AK8: variants seen among roughly 807,000 people sequenced by gnomAD.
AK8 encodes ATP-AMP transphosphorylase 8.
In AK8, 44 loss-of-function variants were observed where a neutral mutation model predicts 54.6. That is an observed-to-expected ratio of 0.81 (90% CI 0.63 to 1.04). The LOEUF is 1.04. Among genes scored for constraint, AK8 ranks in the 50% least tolerant of loss-of-function variants. AK8 has a pLI of 0.00. For missense variants in AK8, 555 were observed against 613.6 expected, an observed-to-expected ratio of 0.90 and a Z score of 1.01; for synonymous variants, 239 against 245.6, an observed-to-expected ratio of 0.97 and a Z score of 0.25.
Position 132,853,783 on chromosome 9 carries a change from C to CAAA in AK8, c.402+1071_402+1073dup, listed in dbSNP as rs71376669. Among the ~76,000 whole-genome samples, 167 of 42,536 alleles carry CAAA rather than the reference C, an allele frequency of 3.9e-3. 15 individuals carry two copies. The highest frequency in any genetic ancestry group is 0.013 in the South Asian group (10 of 784). The allele number at this position is 42,536 out of a possible 152,430, so 27.9% of individuals were successfully genotyped here. ...TGGGCAACAGAGCAAGACTCTGCCT[C>CAAA]AAAAAAAAAAAAAAAAAAAAAAAAA... On this transcript the variant is annotated intron_variant, in intron 5 of 12. Coordinates refer to ENST00000298545, the MANE Select transcript of AK8 (RefSeq NM_152572.3).
At position 132,858,158 on chromosome 9, in the gene AK8, G is replaced by C. The variant is rs564723510; in HGVS notation, c.334-3233C>G. ...CCAGTTGCTCCCGTGCTGCTTCCGT[G>C]CACTTAAGGGCAGGACAGGCTGTGT... On this transcript the variant is annotated intron_variant, in intron 4 of 12. Coordinates refer to ENST00000298545, the MANE Select transcript of AK8 (RefSeq NM_152572.3). Among the ~76,000 whole-genome samples, 3 of 152,356 alleles carry C rather than the reference G, an allele frequency of 2.0e-5. No individual in the cohort carries two copies. In the South Asian group the frequency reaches 6.2e-4, roughly 32 times the overall value.
At chr9:132,867,243 A>C (rs1843639078) in intron 2 of AK8, among the ~76,000 whole-genome samples, 1 of 152,170 alleles carries the variant, frequency 6.6e-6, no homozygotes. Flanking sequence ...GATTTCAAAC[A>C]CCACAAAGCA....
intron 8 of AK8, among the ~76,000 whole-genome samples, chr9:132,825,386 C>T (rs547581416): frequency 4.5e-4 from 68 of 152,128 alleles, no homozygotes; most frequent in African/African-American, 1.2e-3. Flanking sequence ...TCTTTATGAA[C>T]GATCATATGA....
chr9:132,807,604 C>T (rs760556097), intron 10 of AK8, among the ~76,000 whole-genome samples: 16 of 152,138 alleles, frequency 1.1e-4, no homozygotes, highest in Non-Finnish European at 2.2e-4. Context: ...TTCACTGGGC[C>T]CGGCAACCTG....
At chr9:132,849,545 C>G (rs1396845502) in intron 5 of AK8, among the ~76,000 whole-genome samples, 2 of 152,308 alleles carry the variant, frequency 1.3e-5, no homozygotes, top group East Asian at 3.9e-4. Context: ...CTGCCCACAC[C>G]TGGGCAGAAG....
At chr9:132,783,545 CA>C (rs1164969396) in intron 11 of AK8, among the ~76,000 whole-genome samples, 1 of 140,122 alleles carries the variant, frequency 7.1e-6, no homozygotes, top group Non-Finnish European at 1.5e-5. Context: ...TAGGTGCTAC[CA>C]AAAAATGGAA....
At chr9:132,849,889 G>A (rs1258285211) in intron 5 of AK8, among the ~76,000 whole-genome samples, 1 of 151,862 alleles carries the variant, frequency 6.6e-6, no homozygotes, top group Non-Finnish European at 1.5e-5. Flanking sequence ...GCGATTACAG[G>A]TGCACGCCAC....
chr9:132,825,769 C>T (rs1248511925), intron 8 of AK8, among the ~76,000 whole-genome samples: 5 of 152,250 alleles, frequency 3.3e-5, no homozygotes, highest in African/African-American at 1.2e-4. Flanking sequence ...AAACCACTTC[C>T]CCGGCAAAAC....
intron 11 of AK8, among the ~76,000 whole-genome samples, chr9:132,743,787 C>T (rs769134056): frequency 7.9e-5 from 12 of 152,308 alleles, no homozygotes; most frequent in South Asian, 2.1e-4. Flanking sequence ...GAGAAGTACA[C>T]GACCCCGGTA....
intron 10 of AK8, among the ~76,000 whole-genome samples, chr9:132,812,933 T>C (rs515753): frequency 0.41 from 21,685 of 53,106 alleles, 4,730 homozygotes; most frequent in Admixed American, 0.48. Context: ...GGACCAGACC[T>C]GCTCACTGCC....
At chr9:132,828,503 T>A (rs537061509) in intron 6 of AK8, 142 bp downstream of exon 6, 2 of 679,228 alleles carry the variant, frequency 2.9e-6, no homozygotes, top group Admixed American at 6.3e-5. Context: ...TGTGAAAAAT[T>A]CAGTTGTGCT....
chr9:132,853,596 G>GACC lies in AK8; in HGVS notation c.402+1258_402+1260dup, dbSNP rs1417951684. Among the ~76,000 whole-genome samples the GACC allele has an allele frequency of 2.6e-5, 4 of 151,644 alleles. No homozygotes were observed. In the East Asian group the frequency reaches 7.7e-4, roughly 29 times the overall value. On this transcript the variant is annotated intron_variant, in intron 5 of 12. Coordinates refer to ENST00000298545, the MANE Select transcript of AK8 (RefSeq NM_152572.3). ...GGACTGCTTGAGACCAGAAGTTGGA[G>GACC]ACCAGCCTGAGAAATAGAGGGAGAT...
In AK8 at chr9:132,778,027, T is replaced by C. The variant is rs569947603; in HGVS notation, c.1121+14607A>G. Among the ~76,000 whole-genome samples, 15 of 152,336 alleles carry C rather than the reference T, an allele frequency of 9.8e-5. No individual in the cohort carries two copies. In the East Asian group the frequency reaches 2.3e-3, roughly 24 times the overall value. Reference sequence around the variant, plus strand: ...CAGGCCTTTGCTGCATCACGGCCCATGCGACAAAATCAGAATGATGTCAGG... The same window carrying C: ...CAGGCCTTTGCTGCATCACGGCCCACGCGACAAAATCAGAATGATGTCAGG... On this transcript the variant is annotated intron_variant, in intron 11 of 12. Coordinates refer to ENST00000298545, the MANE Select transcript of AK8 (RefSeq NM_152572.3).
chr9:132,808,453 C>T (rs1330307849), intron 10 of AK8, among the ~76,000 whole-genome samples: 2 of 152,178 alleles, frequency 1.3e-5, no homozygotes, highest in Admixed American at 1.3e-4. Flanking sequence ...AGATGGGGCC[C>T]TGGGGTCCTT....
At chr9:132,745,343 G>GCGGCTAA (rs1837593083) in intron 11 of AK8, among the ~76,000 whole-genome samples, 1 of 152,170 alleles carries the variant, frequency 6.6e-6, no homozygotes, top group Admixed American at 6.5e-5. Flanking sequence ...CTCGGATTAC[G>GCGGCTAA]CGGCTAATTG....
At chr9:132,800,982 T>C (rs1374503182) in intron 10 of AK8, among the ~76,000 whole-genome samples, 2 of 147,688 alleles carry the variant, frequency 1.4e-5, no homozygotes, top group Non-Finnish European at 3.0e-5. Flanking sequence ...TGGAGTGCAG[T>C]GGCGCGATTT....
chr9:132,868,851 T>G (rs921547150), intron 2 of AK8, among the ~76,000 whole-genome samples: 1 of 152,162 alleles, frequency 6.6e-6, no homozygotes, highest in Non-Finnish European at 1.5e-5. Context: ...CCAGTCAGCA[T>G]GTTTGGGTAC....
chr9:132,871,563 C>T (rs1267519616), intron 2 of AK8, among the ~76,000 whole-genome samples: 6 of 152,192 alleles, frequency 3.9e-5, no homozygotes, highest in South Asian at 2.1e-4. Context: ...TGAGAGCATC[C>T]GGGCAAAAAG....
chr9:132,767,287 T>A (rs561547020), intron 11 of AK8, among the ~76,000 whole-genome samples: 1 of 152,124 alleles, frequency 6.6e-6, no homozygotes, highest in Non-Finnish European at 1.5e-5. Flanking sequence ...AATTAAAAAA[T>A]GGGCAAATGA....
Sources: allele counts gnomAD v4.1 joint callset (sites outside exome capture counted in the v4.1 genomes callset), GRCh38; gene constraint gnomAD v4.1.1; transcripts MANE v1.5; gene names NCBI Gene and HGNC (gene_info 2026-07-23, HGNC 2026-07-21).